Variants in GRM3 observed in about 807,000 individuals in gnomAD.
GRM3 encodes glutamate metabotropic receptor 3.
GRM3 carries 26 observed loss-of-function variants against 70.5 expected under a neutral mutation model. The ratio of observed to expected loss-of-function variants is 0.37; its 90% confidence interval spans 0.27 to 0.51. The LOEUF (loss-of-function observed/expected upper bound fraction) is 0.51, where lower values mean the gene tolerates loss of function less well. Ranked by LOEUF, GRM3 falls within the 20% of genes least tolerant of loss-of-function variation. The probability of loss-of-function intolerance (pLI) is 0.93; values close to 1 mark genes in which losing one functional copy is unlikely to be tolerated. For synonymous variants in GRM3, 443 were observed against 434.9 expected (o/e 1.02, Z -0.23); for missense variants, 859 against 1,123.8 (o/e 0.76, Z 3.37).
chr7:86,667,996 C>T (rs1794072371), intron 1 of GRM3, among the ~76,000 whole-genome samples: 1 of 152,144 alleles, frequency 6.6e-6, no homozygotes. Flanking sequence ...TGCTCTCCTT[C>T]CTACCCACTT....
rs73398441 is a variant in GRM3, at chr7:86,679,369, G to T, written c.-141+34497G>T. Among the ~76,000 whole-genome samples, 537 of 152,072 alleles carry T rather than the reference G, an allele frequency of 3.5e-3. 4 individuals carry two copies. Among genetic ancestry groups the T allele is most frequent in the African/African-American group, 0.012 (511 of 41,510 alleles). ...AAAGGAGTAAGTTTGACAAATACAG[G>T]AAGAAGAAACCACCTTGTTAGCATT... is the stretch of plus-strand genomic sequence containing the variant. On this transcript the variant is annotated intron_variant, in intron 1 of 5. Transcript: ENST00000361669.
intron 3 of GRM3, among the ~76,000 whole-genome samples, chr7:86,797,096 T>C (rs1014880506): frequency 6.6e-6 from 1 of 152,184 alleles, no homozygotes; most frequent in African/African-American, 2.4e-5. Flanking sequence ...ATGTCTTTAT[T>C]AACCGAGTGA....
In GRM3 at chr7:86,674,947, C is replaced by T. The variant is rs573911030; in HGVS notation, c.-141+30075C>T. ...TTTGCAAGATTTCTCAGAAATATGA[C>T]TCCTAGCCCTAGGCCAAGGACTCAT... On this transcript the variant is annotated intron_variant, in intron 1 of 5. Coordinates refer to ENST00000361669, the MANE Select transcript of GRM3 (RefSeq NM_000840.3). Among the ~76,000 whole-genome samples the T allele has an allele frequency of 3.3e-5, 5 of 152,228 alleles. No homozygotes were observed. In the East Asian group the frequency reaches 5.8e-4, roughly 18 times the overall value.
intron 1 of GRM3, among the ~76,000 whole-genome samples, chr7:86,701,107 C>CT (rs927100210): frequency 1.3e-5 from 2 of 151,682 alleles, no homozygotes; most frequent in African/African-American, 2.4e-5. Flanking sequence ...TCCATTAGTA[C>CT]TTTTTTTTAA....
At chr7:86,794,730 T>C (rs1440029996) in intron 3 of GRM3, among the ~76,000 whole-genome samples, 1 of 152,178 alleles carries the variant, frequency 6.6e-6, no homozygotes, top group Non-Finnish European at 1.5e-5. Flanking sequence ...GCATGGTTCC[T>C]GGGGCTACTG....
At chr7:86,835,767 C>A (rs28706670) in intron 3 of GRM3, among the ~76,000 whole-genome samples, 8,927 of 152,080 alleles carry the variant, frequency 0.059, 871 homozygotes, top group African/African-American at 0.2. Context: ...TGTGCCACTA[C>A]ACCCTGCTAA....
intron 3 of GRM3, among the ~76,000 whole-genome samples, chr7:86,827,972 C>T (rs559345213): frequency 2.2e-4 from 33 of 151,964 alleles, no homozygotes; most frequent in African/African-American, 7.5e-4. Flanking sequence ...ATTAGCTGGG[C>T]GTGGTGGCAG....
intron 1 of GRM3, among the ~76,000 whole-genome samples, chr7:86,693,935 A>C (rs1460645506): frequency 6.6e-6 from 1 of 152,226 alleles, no homozygotes; most frequent in Non-Finnish European, 1.5e-5. Flanking sequence ...ACTGGAAATG[A>C]AAGATAATCT....
intron 3 of GRM3, among the ~76,000 whole-genome samples, chr7:86,801,064 CTT>C (rs67046105): frequency 2.0e-4 from 17 of 86,822 alleles, no homozygotes; most frequent in South Asian, 4.2e-4. Context: ...CAAACTTCTT[CTT>C]TTTTTTTTTT....
intron 3 of GRM3, among the ~76,000 whole-genome samples, chr7:86,815,269 T>C (rs1168734664): frequency 6.6e-6 from 1 of 151,732 alleles, no homozygotes; most frequent in African/African-American, 2.4e-5. Flanking sequence ...AGAAACCTCA[T>C]GAGGACAAAA....
chr7:86,805,448 C>A (rs1797770698), intron 3 of GRM3, among the ~76,000 whole-genome samples: 1 of 152,112 alleles, frequency 6.6e-6, no homozygotes, highest in Non-Finnish European at 1.5e-5. Context: ...CATCATCAAC[C>A]AAAGCTCATG....
intron 5 of GRM3, among the ~76,000 whole-genome samples, chr7:86,863,423 C>T (rs1238183300): frequency 6.6e-6 from 1 of 152,078 alleles, no homozygotes; most frequent in Non-Finnish European, 1.5e-5. Flanking sequence ...GAAATTTATT[C>T]TCTCTCAGTT....
At chr7:86,655,386 A>G (rs866091717) in intron 1 of GRM3, among the ~76,000 whole-genome samples, 3 of 152,208 alleles carry the variant, frequency 2.0e-5, no homozygotes, top group African/African-American at 4.8e-5. Context: ...TTGCTTTGGC[A>G]TAAGTAACAG....
At chr7:86,727,234 C>T (rs190200542) in intron 1 of GRM3, among the ~76,000 whole-genome samples, 1 of 152,194 alleles carries the variant, frequency 6.6e-6, no homozygotes, top group East Asian at 1.9e-4. Context: ...GACCCTATCC[C>T]TCAGGAGAAA....
At chr7:86,678,439 G>A (rs1380592983) in intron 1 of GRM3, among the ~76,000 whole-genome samples, 5 of 152,058 alleles carry the variant, frequency 3.3e-5, no homozygotes, top group Admixed American at 6.6e-5. Context: ...CGTTAACGCC[G>A]CCTCTCTTTT....
intron 3 of GRM3, among the ~76,000 whole-genome samples, chr7:86,790,175 G>A (rs1240938393): frequency 1.4e-5 from 2 of 141,236 alleles, no homozygotes; most frequent in Non-Finnish European, 3.0e-5. Flanking sequence ...AGTGATTCCT[G>A]TGTCTCTTTG....
chr7:86,694,757 A>G (rs933445060), intron 1 of GRM3, among the ~76,000 whole-genome samples: 5 of 152,142 alleles, frequency 3.3e-5, no homozygotes, highest in African/African-American at 9.7e-5. Context: ...GTCATTTTTC[A>G]GGTTCTGCTG....
intron 3 of GRM3, among the ~76,000 whole-genome samples, chr7:86,825,291 A>G (rs915525203): frequency 6.6e-6 from 1 of 152,212 alleles, no homozygotes; most frequent in African/African-American, 2.4e-5. Context: ...TAACTTCTTA[A>G]ATTTTATTTT....
At chr7:86,678,040 G>T (rs1219369935) in intron 1 of GRM3, among the ~76,000 whole-genome samples, 1 of 151,800 alleles carries the variant, frequency 6.6e-6, no homozygotes, top group Non-Finnish European at 1.5e-5. Context: ...TAAAAATATT[G>T]GATGTCATGG....
Sources: gnomAD v4.1 joint callset for allele counts (sites outside exome capture counted in the v4.1 genomes callset) on GRCh38, gnomAD v4.1.1 for gene constraint, MANE v1.5 for transcripts, NCBI Gene and HGNC (gene_info 2026-07-23, HGNC 2026-07-21) for gene names.